The following ADGRL2 variants were observed in gnomAD, a reference collection of about 807,000 sequenced individuals.
The protein encoded by ADGRL2 is calcium-independent alpha-latrotoxin receptor 2.
ADGRL2 carries 44 observed loss-of-function variants against 157.4 expected under a neutral mutation model. The ratio of observed to expected loss-of-function variants is 0.28; its 90% CI spans 0.22 to 0.36. The LOEUF (loss-of-function observed/expected upper bound fraction) is 0.36. Ranked by LOEUF, ADGRL2 falls within the 10% of genes least tolerant of loss-of-function variation. The pLI is 1.00. For missense variants in ADGRL2, 1,510 were observed against 1,768.9 expected (o/e 0.85, Z 2.63); for synonymous variants, 585 against 624.7 (o/e 0.94, Z 0.95).
intron 2 of ADGRL2, among the ~76,000 whole-genome samples, chr1:81,466,545 C>T (rs2078056918): frequency 6.6e-6 from 1 of 152,116 alleles, no homozygotes; most frequent in African/African-American, 2.4e-5. Flanking sequence ...TTCTCAGTCT[C>T]ACATTTTGAT....
intron 2 of ADGRL2, among the ~76,000 whole-genome samples, chr1:81,767,993 T>A (rs1164724639): frequency 1.3e-5 from 2 of 152,156 alleles, no homozygotes; most frequent in African/African-American, 4.8e-5. Context: ...ATAAATATTA[T>A]GATTTCTCTA....
At chr1:81,430,228 A>G (rs1354190734) in intron 1 of ADGRL2, among the ~76,000 whole-genome samples, 1 of 152,214 alleles carries the variant, frequency 6.6e-6, no homozygotes, top group African/African-American at 2.4e-5. Context: ...AATAGGCAAA[A>G]GCAAAGAAAT....
intron 1 of ADGRL2, among the ~76,000 whole-genome samples, chr1:81,359,911 C>T (rs1371864625): frequency 6.6e-6 from 1 of 151,940 alleles, no homozygotes; most frequent in Non-Finnish European, 1.5e-5. Flanking sequence ...CCTTTTAGGC[C>T]TACTTTCAAA....
At chr1:81,418,219 T>A (rs2077065272) in intron 1 of ADGRL2, among the ~76,000 whole-genome samples, 1 of 152,208 alleles carries the variant, frequency 6.6e-6, no homozygotes, top group African/African-American at 2.4e-5. Context: ...TGTTTATTTT[T>A]AAAGTTTTAA....
intron 1 of ADGRL2, chr1:81,427,738 C>A (rs1472386758): frequency 2.7e-6 from 1 of 374,622 alleles, no homozygotes. Context: ...CCAGAGGGAA[C>A]AATGATCCAT....
At chr1:81,715,586 T>C (rs1447969207) in intron 1 of ADGRL2, among the ~76,000 whole-genome samples, 7 of 152,286 alleles carry the variant, frequency 4.6e-5, no homozygotes, top group South Asian at 4.1e-4. Context: ...AGAGTTATTA[T>C]GTTAAGCGTG....
chr1:81,525,179 A>G (rs1042937300), intron 2 of ADGRL2, among the ~76,000 whole-genome samples: 1 of 152,192 alleles, frequency 6.6e-6, no homozygotes, highest in African/African-American at 2.4e-5. Context: ...TCTTTCAGGC[A>G]CATATTTTCT....
intron 2 of ADGRL2, among the ~76,000 whole-genome samples, chr1:81,489,352 G>A (rs1337992287): frequency 6.6e-6 from 1 of 151,920 alleles, no homozygotes; most frequent in East Asian, 1.9e-4. Context: ...GAATTCAGAG[G>A]CACATTTGAG....
chr1:81,803,469 C>T (rs1283009742), intron 1 of ADGRL2, among the ~76,000 whole-genome samples: 1 of 152,106 alleles, frequency 6.6e-6, no homozygotes, highest in Non-Finnish European at 1.5e-5. Context: ...TCTGTGCTCT[C>T]AAAGAATAGT....
intron 3 of ADGRL2, among the ~76,000 whole-genome samples, chr1:81,927,382 A>G (rs181167262): frequency 1.3e-5 from 2 of 152,160 alleles, no homozygotes; most frequent in African/African-American, 2.4e-5. Context: ...AATAAATGCA[A>G]TTTTAAAATA....
intron 2 of ADGRL2, among the ~76,000 whole-genome samples, chr1:81,470,093 T>C (rs1351662743): frequency 1.3e-5 from 2 of 152,230 alleles, no homozygotes; most frequent in Non-Finnish European, 2.9e-5. Flanking sequence ...TTAAGTCATG[T>C]TCTTCTGCCT....
upstream of ADGRL2, among the ~76,000 whole-genome samples, chr1:81,798,856 T>A (rs1415592545): frequency 1.3e-5 from 2 of 152,186 alleles, no homozygotes; most frequent in African/African-American, 4.8e-5. Flanking sequence ...AACTTCAGCC[T>A]AAGTTTTGCT....
intron 1 of ADGRL2, among the ~76,000 whole-genome samples, chr1:81,709,294 C>T (rs1422420933): frequency 6.6e-6 from 1 of 152,104 alleles, no homozygotes; most frequent in East Asian, 1.9e-4. Context: ...ATAAAATAGG[C>T]TTTATGGAAT....
chr1:81,681,465 C>T (rs111445031), intron 3 of ADGRL2, among the ~76,000 whole-genome samples: 37 of 152,230 alleles, frequency 2.4e-4, no homozygotes, highest in African/African-American at 7.7e-4. Flanking sequence ...GATAAAGTCC[C>T]GGTGTATTTC....
At chr1:81,482,769 A>G (rs1191522236) in intron 2 of ADGRL2, among the ~76,000 whole-genome samples, 1 of 151,872 alleles carries the variant, frequency 6.6e-6, no homozygotes, top group African/African-American at 2.4e-5. Flanking sequence ...TCTGTCTTAT[A>G]CCTTCACTAA....
chr1:81,590,952 C>A (rs1415250609), intron 3 of ADGRL2, among the ~76,000 whole-genome samples: 1 of 152,114 alleles, frequency 6.6e-6, no homozygotes, highest in Non-Finnish European at 1.5e-5. Context: ...CCTCAGGATC[C>A]ACTCCCAGGC....
In ADGRL2 at chr1:81,869,087, T is replaced by A. The variant is rs145702578; in HGVS notation, c.73+32030T>A. On this transcript the variant is annotated intron_variant, in intron 2 of 23. Transcript: ENST00000686636. The stretch of plus-strand genomic sequence containing the variant: ...CATTGAAATCAGTCAGACTTGGAGA[T>A]GGGAGAAGTGATGTCAAGGATTGCT... Among the ~76,000 whole-genome samples the A allele has an allele frequency of 3.2e-4, 48 of 152,180 alleles. 2 individuals are homozygous for A. Among genetic ancestry groups the A allele is most frequent in the East Asian group, 2.5e-3 (13 of 5,172 alleles).
chr1:81,579,566 G>T (rs915474562), intron 2 of ADGRL2, among the ~76,000 whole-genome samples: 3 of 152,020 alleles, frequency 2.0e-5, no homozygotes, highest in Non-Finnish European at 4.4e-5. Context: ...CAAACCTACC[G>T]ACACATTTTG....
At chr1:81,362,820 C>T (rs1049423918) in intron 1 of ADGRL2, among the ~76,000 whole-genome samples, 1 of 151,958 alleles carries the variant, frequency 6.6e-6, no homozygotes, top group East Asian at 1.9e-4. Context: ...TAATCAAGTA[C>T]TATTTCATTC....
Sources: gnomAD v4.1 joint callset for allele counts (sites outside exome capture counted in the v4.1 genomes callset) on GRCh38, gnomAD v4.1.1 for gene constraint, MANE v1.5 for transcripts, NCBI Gene and HGNC (gene_info 2026-07-23, HGNC 2026-07-21) for gene names.